ANXA8: variants seen among roughly 807,000 people sequenced by gnomAD.
ANXA8 encodes the protein VAC-beta.
A neutral mutation model predicts 26.8 loss-of-function variants in ANXA8; 9 were observed. The ratio of observed to expected loss-of-function variants is 0.34; its 90% confidence interval spans 0.20 to 0.59. The LOEUF (loss-of-function observed/expected upper bound fraction) is 0.59, where lower values mean the gene tolerates loss of function less well. ANXA8 is among the 20% of genes least tolerant of loss of function. ANXA8 has a pLI of 0.84. For synonymous variants in ANXA8, 39 were observed against 94.8 expected (o/e 0.41, Z 3.42); for missense variants, 83 against 238.5 (o/e 0.35, Z 4.29).
At chr10:47,762,908 A>T in the ANXA8 span, 1 of 1,418,526 alleles carries the variant, frequency 7.0e-7, no homozygotes, top group Non-Finnish European at 9.2e-7. Flanking sequence ...GAGCTCCCGG[A>T]AACCGCAGGG....
the ANXA8 span, among the ~76,000 whole-genome samples, chr10:47,946,214 C>T: frequency 2.7e-5 from 4 of 148,202 alleles, no homozygotes; most frequent in Non-Finnish European, 5.9e-5. Context: ...CATCCTTCAA[C>T]ATTCAGTTCA....
chr10:47,757,840 GA>G, the ANXA8 span: 16 of 739,706 alleles, frequency 2.2e-5, no homozygotes, highest in South Asian at 3.3e-4. Context: ...GCTGAGGGCT[GA>G]TGCCGCCAGC....
At chr10:47,957,172 T>C in the ANXA8 span, among the ~76,000 whole-genome samples, 1 of 150,154 alleles carries the variant, frequency 6.7e-6, no homozygotes, top group Non-Finnish European at 1.5e-5. Flanking sequence ...ATGATCTCTC[T>C]GTGCTCCGAT....
At chr10:47,908,886 G>A in the ANXA8 span, among the ~76,000 whole-genome samples, 1,799 of 3,598 alleles carry the variant, frequency 0.5, 487 homozygotes, top group Non-Finnish European at 0.66. Context: ...CACCCGGCCG[G>A]CTAAACTTGA....
the ANXA8 span, among the ~76,000 whole-genome samples, chr10:47,687,682 A>G: frequency 6.4e-4 from 98 of 152,084 alleles, 2 homozygotes; most frequent in African/African-American, 2.2e-3. Flanking sequence ...AAATCTAATA[A>G]TGACATGCAA....
At chr10:47,658,439 A>G in the ANXA8 span, among the ~76,000 whole-genome samples, 1 of 150,230 alleles carries the variant, frequency 6.7e-6, no homozygotes, top group African/African-American at 2.5e-5. Flanking sequence ...TTTCACATTT[A>G]CTACTGGATG....
At chr10:47,952,692 T>A in the ANXA8 span, among the ~76,000 whole-genome samples, 1 of 147,228 alleles carries the variant, frequency 6.8e-6, no homozygotes, top group South Asian at 2.1e-4. Context: ...ATCAAAGCAA[T>A]TTTTACAAAG....
chr10:47,470,232 C>A (rs1482175840), intron 11 of ANXA8, among the ~76,000 whole-genome samples: 2 of 151,726 alleles, frequency 1.3e-5, no homozygotes, highest in African/African-American at 2.4e-5. Context: ...CTGTGGTCTA[C>A]ACTAAAAAGA....
At chr10:47,632,303 A>G in the ANXA8 span, among the ~76,000 whole-genome samples, 2 of 150,400 alleles carry the variant, frequency 1.3e-5, no homozygotes, top group Non-Finnish European at 2.9e-5. Flanking sequence ...TTATTTTGAG[A>G]TCCTAATCCT....
At chr10:47,698,803 G>C in the ANXA8 span, among the ~76,000 whole-genome samples, 22 of 152,016 alleles carry the variant, frequency 1.4e-4, no homozygotes, top group Non-Finnish European at 2.5e-4. Context: ...ACTTCTGCCT[G>C]GGTGACCAGA....
chr10:47,733,078 G>A, the ANXA8 span, among the ~76,000 whole-genome samples: 4 of 151,732 alleles, frequency 2.6e-5, no homozygotes, highest in Non-Finnish European at 5.9e-5. Flanking sequence ...ATAAATGAGG[G>A]TAGTACCAGC....
the ANXA8 span, among the ~76,000 whole-genome samples, chr10:47,724,533 G>A: frequency 7.1e-6 from 1 of 141,500 alleles, no homozygotes; most frequent in Non-Finnish European, 1.6e-5. Context: ...ACTCCACAAG[G>A]CTGGTTTCTT....
chr10:47,502,986 G>A, the ANXA8 span: 1 of 1,560,304 alleles, frequency 6.4e-7, no homozygotes, highest in South Asian at 1.1e-5. Flanking sequence ...TGGTGCTGGA[G>A]ATACCGGGGC....
chr10:47,763,792 G>GTGT, the ANXA8 span, among the ~76,000 whole-genome samples: 7 of 116,590 alleles, frequency 6.0e-5, no homozygotes, highest in Non-Finnish European at 1.9e-5. Flanking sequence ...TGTGTGTGTG[G>GTGT]GGGGGGGAGG....
intron 4 of ANXA8, 104 bp from the exon 5 acceptor site, chr10:47,476,426 G>C: frequency 4.0e-6 from 3 of 751,764 alleles, no homozygotes; most frequent in Non-Finnish European, 6.1e-6. Flanking sequence ...GGACCTCACT[G>C]CCCTGCCCCA....
the ANXA8 span, among the ~76,000 whole-genome samples, chr10:47,944,734 T>C: frequency 1.3e-5 from 2 of 150,568 alleles, no homozygotes; most frequent in African/African-American, 2.5e-5. Flanking sequence ...TCCACCATGA[T>C]TGAGAGGCCT....
At chr10:47,744,753 A>C in the ANXA8 span, among the ~76,000 whole-genome samples, 2 of 151,648 alleles carry the variant, frequency 1.3e-5, no homozygotes, top group Non-Finnish European at 2.9e-5. Context: ...CTTGTTTTCT[A>C]TTTACCAATT....
the ANXA8 span, among the ~76,000 whole-genome samples, chr10:47,907,339 A>T: frequency 3.9e-5 from 6 of 152,086 alleles, no homozygotes; most frequent in African/African-American, 1.4e-4. Flanking sequence ...CCTGGGCGAC[A>T]GAGCGAGACT....
chr10:47,705,165 G>C, the ANXA8 span, among the ~76,000 whole-genome samples: 8 of 151,230 alleles, frequency 5.3e-5, no homozygotes, highest in African/African-American at 1.9e-4. Context: ...GAAAAGCAGG[G>C]AAGAATAATT....
Sources: allele counts gnomAD v4.1 joint callset (sites outside exome capture counted in the v4.1 genomes callset), GRCh38; gene constraint gnomAD v4.1.1; transcripts MANE v1.5; gene names NCBI Gene and HGNC (gene_info 2026-07-23, HGNC 2026-07-21).